The following MINDY3 variants were observed in gnomAD, a reference collection of about 807,000 sequenced individuals.
The protein encoded by MINDY3 is ubiquitin carboxyl-terminal hydrolase MINDY-3.
A neutral mutation model predicts 69.2 loss-of-function variants in MINDY3; 38 were observed. The ratio of observed to expected loss-of-function variants is 0.55; its 90% CI spans 0.42 to 0.72. The LOEUF is 0.72. MINDY3 is among the 30% of genes least tolerant of loss of function. The pLI is 0.00. For synonymous variants in MINDY3, 192 were observed against 180.1 expected, an observed-to-expected ratio of 1.07 and a Z score of -0.53; for missense variants, 522 against 519.0, an observed-to-expected ratio of 1.01 and a Z score of -0.06.
chr10:15,820,936 C>T (rs2131999187), intron 9 of MINDY3, among the ~76,000 whole-genome samples: 1 of 152,154 alleles, frequency 6.6e-6, no homozygotes, highest in East Asian at 1.9e-4. Context: ...ATAGCAAGAC[C>T]CTGTCTCTAT....
chr10:15,809,342 A>T (rs900371120), intron 10 of MINDY3, among the ~76,000 whole-genome samples: 23 of 152,218 alleles, frequency 1.5e-4, no homozygotes, highest in African/African-American at 5.5e-4. Flanking sequence ...TTCTGAAATT[A>T]AGGAAAAACA....
At chr10:15,840,965 C>T (rs1169561424) in intron 4 of MINDY3, among the ~76,000 whole-genome samples, 8 of 150,982 alleles carry the variant, frequency 5.3e-5, no homozygotes, top group Admixed American at 2.6e-4. Flanking sequence ...TAAAAATATC[C>T]AAATAATTCG....
intron 1 of MINDY3, among the ~76,000 whole-genome samples, chr10:15,853,860 T>C (rs963253921): frequency 2.8e-4 from 42 of 152,010 alleles, no homozygotes; most frequent in African/African-American, 9.6e-4. Context: ...TCAAGGAAAA[T>C]AGCCAGTGAT....
intron 1 of MINDY3, among the ~76,000 whole-genome samples, chr10:15,853,297 G>C (rs929206393): frequency 6.6e-6 from 1 of 152,062 alleles, no homozygotes; most frequent in African/African-American, 2.4e-5. Context: ...GATAACCCTG[G>C]AAATCCTAGA....
At chr10:15,846,010 A>G (rs1833817262) in intron 2 of MINDY3, among the ~76,000 whole-genome samples, 1 of 149,556 alleles carries the variant, frequency 6.7e-6, no homozygotes, top group Admixed American at 6.6e-5. Context: ...TTTAGTAGAG[A>G]CGAGGTTTCA....
intron 10 of MINDY3, among the ~76,000 whole-genome samples, chr10:15,806,197 A>G (rs908038384): frequency 1.3e-5 from 2 of 152,090 alleles, no homozygotes; most frequent in African/African-American, 4.8e-5. Context: ...CTTGTGCCAC[A>G]TGTACTCTAT....
rs373308163 is a variant in MINDY3 at position 15,828,896 on chromosome 10, C to G, written c.730+4734G>C. On this transcript the variant is annotated intron_variant, in intron 8 of 14. Transcript: ENST00000277632. ...GAAAAATTACAATTAAATAGTTACTCGTTGAAAATCCTTAGGTAAGCTGCT... is the reference window on the plus strand; with the variant it reads ...GAAAAATTACAATTAAATAGTTACTGGTTGAAAATCCTTAGGTAAGCTGCT... Among the ~76,000 whole-genome samples, 131 of 152,282 alleles carry G rather than the reference C, an allele frequency of 8.6e-4. No homozygotes were observed. In the South Asian group the frequency reaches 0.026, roughly 31 times the overall value.
intron 1 of MINDY3, among the ~76,000 whole-genome samples, chr10:15,851,750 CAGAA>C (rs1252821387): frequency 6.6e-6 from 1 of 152,048 alleles, no homozygotes. Flanking sequence ...ACACAGTTGC[CAGAA>C]AGTATTTTAG....
chr10:15,832,798 C>T (rs774958218), intron 8 of MINDY3, among the ~76,000 whole-genome samples: 2 of 152,094 alleles, frequency 1.3e-5, no homozygotes, highest in Non-Finnish European at 2.9e-5. Context: ...TGTTAATTAA[C>T]TACACATTTC....
At chr10:15,786,773 T>C in intron 12 of MINDY3, 125 bp from the exon 13 acceptor site, 1 of 653,356 alleles carries the variant, frequency 1.5e-6, no homozygotes, top group Non-Finnish European at 2.7e-6. Context: ...CTGTTCTTTT[T>C]AGAACCTTAA....
rs1392407516 is a variant in MINDY3 at position 15,821,679 on chromosome 10, T to A, written c.778A>T (p.Met260Leu). ...EQAAVGFLTL[M>L]EALRYCKVGS... ...ACCTTACAGTATCTTAAAGCTTCCATTAGTGTTAAAAATCCTACTGCTGCT... is the reference window on the plus strand; with the variant it reads ...ACCTTACAGTATCTTAAAGCTTCCAATAGTGTTAAAAATCCTACTGCTGCT... The change falls in exon 9 of 15, where the codon ATG (methionine) becomes TTG (leucine). Residue 260 changes from methionine to leucine, a missense_variant. By Grantham distance (15) the Met-to-Leu change is conservative (BLOSUM62 2). Coordinates refer to ENST00000277632, the MANE Select transcript of MINDY3 (RefSeq NM_024948.4). The A allele has an allele frequency of 6.2e-7, 1 of 1,611,400 alleles. No homozygotes were observed. Among genetic ancestry groups the A allele is most frequent in the Non-Finnish European group, 8.5e-7 (1 of 1,179,040 alleles).
intron 13 of MINDY3, among the ~76,000 whole-genome samples, chr10:15,783,698 C>T (rs1836731614): frequency 2.6e-5 from 4 of 152,134 alleles, no homozygotes; most frequent in Admixed American, 2.6e-4. Flanking sequence ...ACATTCCCAA[C>T]TAAAGCCTAA....
rs573407794 is a variant in MINDY3 at position 15,782,348 on chromosome 10, A to G, written c.1117-122T>C. On this transcript the variant is annotated intron_variant, in intron 13 of 14. Coordinates refer to ENST00000277632, the MANE Select transcript of MINDY3 (RefSeq NM_024948.4). ...TCCTTTGACTGGGGACTCATTTGAC[A>G]AAAGAAGGAACTTAGGTTTATGGAG... 216 of 678,750 alleles carry G rather than the reference A, an allele frequency of 3.2e-4. 1 individual carries two copies. The African/African-American group carries it at 3.6e-3, about 11-fold the overall frequency. The allele number at this position is 678,750 out of a possible 1,614,324, so 42.0% of individuals were successfully genotyped here.
intron 13 of MINDY3, among the ~76,000 whole-genome samples, chr10:15,785,727 T>A (rs1223068043): frequency 6.6e-6 from 1 of 151,956 alleles, no homozygotes; most frequent in African/African-American, 2.4e-5. Context: ...CAATTTTATC[T>A]TGAGTTTAAC....
At chr10:15,799,335 A>T (rs2131896988) in intron 10 of MINDY3, among the ~76,000 whole-genome samples, 1 of 152,134 alleles carries the variant, frequency 6.6e-6, no homozygotes, top group African/African-American at 2.4e-5. Context: ...AGTAGCTGGG[A>T]TTACAGGCAT....
At chr10:15,779,986 TC>T (rs1244015116) in intron 14 of MINDY3, among the ~76,000 whole-genome samples, 1 of 152,204 alleles carries the variant, frequency 6.6e-6, no homozygotes, top group African/African-American at 2.4e-5. Context: ...GTGGTTAATT[TC>T]TTTTTTGTAC....
intron 10 of MINDY3, among the ~76,000 whole-genome samples, chr10:15,799,332 G>A (rs1838084759): frequency 6.6e-6 from 1 of 151,986 alleles, no homozygotes; most frequent in African/African-American, 2.4e-5. Flanking sequence ...CCTAGTAGCT[G>A]GGATTACAGG....
intron 8 of MINDY3, 47 bp downstream of exon 8, chr10:15,833,583 G>C (rs777971741): frequency 8.4e-7 from 1 of 1,193,240 alleles, no homozygotes; most frequent in Non-Finnish European, 1.2e-6. Context: ...GTATTCCAAT[G>C]AAATATTATT....
chr10:15,806,612 G>A (rs753154687), intron 10 of MINDY3, among the ~76,000 whole-genome samples: 3 of 152,050 alleles, frequency 2.0e-5, no homozygotes, highest in African/African-American at 2.4e-5. Flanking sequence ...TTCATGCCAC[G>A]GATATTCCTG....
Sources: allele counts gnomAD v4.1 joint callset (sites outside exome capture counted in the v4.1 genomes callset), GRCh38; gene constraint gnomAD v4.1.1; transcripts MANE v1.5; gene names NCBI Gene and HGNC (gene_info 2026-07-23, HGNC 2026-07-21).